Variants in CAMKMT observed in about 807,000 individuals in gnomAD.
CAMKMT encodes the protein calmodulin-lysine N-methyltransferase.
Under a neutral mutation model 48.0 loss-of-function variants are expected in CAMKMT, and 53 were observed. The ratio of observed to expected loss-of-function variants is 1.10; its 90% CI spans 0.89 to 1.39. The LOEUF (loss-of-function observed/expected upper bound fraction) is 1.39, where lower values mean the gene tolerates loss of function less well. Among genes scored for constraint, CAMKMT ranks in the 40% most tolerant of loss-of-function variants. The pLI, the probability that CAMKMT is intolerant of heterozygous loss-of-function variation, is 0.00. For missense variants in CAMKMT, 428 were observed against 402.7 expected, an observed-to-expected ratio of 1.06 and a Z score of -0.54; for synonymous variants, 165 against 152.3, an observed-to-expected ratio of 1.08 and a Z score of -0.61.
chr2:44,396,218 G>A (rs1350422656), intron 3 of CAMKMT, among the ~76,000 whole-genome samples: 1 of 152,044 alleles, frequency 6.6e-6, no homozygotes, highest in Non-Finnish European at 1.5e-5. Flanking sequence ...GTCCTTCTAA[G>A]TGCGAGTCAA....
At chr2:44,549,314 CT>C (rs1019247546) in intron 3 of CAMKMT, among the ~76,000 whole-genome samples, 6 of 152,120 alleles carry the variant, frequency 3.9e-5, no homozygotes, top group Admixed American at 1.3e-4. Flanking sequence ...TTCCCAACCC[CT>C]ATGGGAATTC....
intron 3 of CAMKMT, among the ~76,000 whole-genome samples, chr2:44,674,683 C>G (rs1675569111): frequency 6.6e-6 from 1 of 152,148 alleles, no homozygotes; most frequent in Non-Finnish European, 1.5e-5. Context: ...CTGCAGGCCA[C>G]ATACAAAGTT....
At chr2:44,647,074 A>G (rs1464092613) in intron 3 of CAMKMT, among the ~76,000 whole-genome samples, 1 of 151,920 alleles carries the variant, frequency 6.6e-6, no homozygotes, top group East Asian at 1.9e-4. Flanking sequence ...CGAGGCGGGC[A>G]GAACACGAGG....
intron 7 of CAMKMT, among the ~76,000 whole-genome samples, chr2:44,722,286 A>C (rs1455981733): frequency 6.7e-6 from 1 of 148,176 alleles, no homozygotes; most frequent in Non-Finnish European, 1.5e-5. Context: ...TGGTAACTAT[A>C]TTTAACCTCT....
chr2:44,452,546 T>C (rs1266150598), intron 3 of CAMKMT, among the ~76,000 whole-genome samples: 1 of 152,042 alleles, frequency 6.6e-6, no homozygotes, highest in Non-Finnish European at 1.5e-5. Context: ...AATATTACTA[T>C]TGTTTCTTCC....
intron 3 of CAMKMT, among the ~76,000 whole-genome samples, chr2:44,432,414 A>C (rs1246220382): frequency 6.6e-6 from 1 of 152,196 alleles, no homozygotes; most frequent in African/African-American, 2.4e-5. Flanking sequence ...TACTTCCTTC[A>C]TAAACATTTG....
At chr2:44,588,730 C>T (rs1173906167) in intron 3 of CAMKMT, among the ~76,000 whole-genome samples, 1 of 41,014 alleles carries the variant, frequency 2.4e-5, no homozygotes, top group Non-Finnish European at 5.0e-5. Flanking sequence ...CCAGCCGCCC[C>T]GTCCGGGAGG....
At position 44,566,646 on chromosome 2, in the gene CAMKMT, A is replaced by C. The variant is rs1434376221; in HGVS notation, c.377-137637A>C. Among the ~76,000 whole-genome samples the C allele has an allele frequency of 1.2e-4, 19 of 152,152 alleles. 1 individual carries two copies. The highest frequency in any genetic ancestry group is 1.2e-3 in the Admixed American group (19 of 15,268). Reference sequence around the variant, plus strand: ...AAAATGATGTTGACATCATTTAAAAAAAAAATTAGCCATAGGAAGGAGGTT... The same window carrying C: ...AAAATGATGTTGACATCATTTAAAACAAAAATTAGCCATAGGAAGGAGGTT... On this transcript the variant is annotated intron_variant, in intron 3 of 10. Transcript: ENST00000378494.
chr2:44,706,545 A>G (rs557791455), intron 5 of CAMKMT, among the ~76,000 whole-genome samples: 1 of 151,562 alleles, frequency 6.6e-6, no homozygotes, highest in African/African-American at 2.4e-5. Context: ...ATTTTACCTC[A>G]GTGTAGTCAA....
chr2:44,497,736 A>AGAGAGAGAGAGAGAGAGG (rs1669821189), intron 3 of CAMKMT, among the ~76,000 whole-genome samples: 1 of 151,742 alleles, frequency 6.6e-6, no homozygotes, highest in South Asian at 2.1e-4. Flanking sequence ...AGAGAGAGAG[A>AGAGAGAGAGAGAGAGAGG]GAGAGAGGGA....
intron 3 of CAMKMT, chr2:44,631,467 C>T (rs981080976): frequency 1.5e-5 from 9 of 587,698 alleles, no homozygotes; most frequent in Non-Finnish European, 2.4e-5. Context: ...GAAAAAAAAA[C>T]AATTTTTTAT....
At chr2:44,553,475 C>T (rs553767530) in intron 3 of CAMKMT, among the ~76,000 whole-genome samples, 3 of 151,408 alleles carry the variant, frequency 2.0e-5, no homozygotes, top group Admixed American at 1.3e-4. Context: ...ATTCTTGTGT[C>T]TAAGACTCCT....
intron 3 of CAMKMT, among the ~76,000 whole-genome samples, chr2:44,681,260 C>A (rs1376694806): frequency 1.3e-5 from 2 of 152,084 alleles, no homozygotes; most frequent in African/African-American, 4.8e-5. Flanking sequence ...AAGACTTGGA[C>A]GCTTTGTTTG....
At chr2:44,562,166 G>A (rs2103697321) in intron 3 of CAMKMT, among the ~76,000 whole-genome samples, 1 of 152,272 alleles carries the variant, frequency 6.6e-6, no homozygotes, top group South Asian at 2.1e-4. Flanking sequence ...AAGTCCTCTA[G>A]TGGTGAGCCA....
intron 3 of CAMKMT, among the ~76,000 whole-genome samples, chr2:44,450,073 A>G (rs1365602095): frequency 6.6e-6 from 1 of 152,144 alleles, no homozygotes; most frequent in African/African-American, 2.4e-5. Flanking sequence ...CATCACACAC[A>G]CTTCATCAAC....
At chr2:44,737,872 T>TC (rs1356249785) in intron 7 of CAMKMT, among the ~76,000 whole-genome samples, 2 of 126,060 alleles carry the variant, frequency 1.6e-5, no homozygotes, top group Non-Finnish European at 3.4e-5. Flanking sequence ...TTTTTTTTTT[T>TC]CTTGAGATGG....
chr2:44,493,911 A>G (rs1669633830), intron 3 of CAMKMT, among the ~76,000 whole-genome samples: 3 of 152,360 alleles, frequency 2.0e-5, no homozygotes, highest in South Asian at 2.1e-4. Flanking sequence ...TCTTCAAGTG[A>G]CATTACTTTT....
At position 44,606,101 on chromosome 2, in the gene CAMKMT, T is replaced by A. The variant is rs1671265026; in HGVS notation, c.377-98182T>A. Among the ~76,000 whole-genome samples the A allele has an allele frequency of 9.9e-5, 15 of 152,204 alleles. 1 individual carries two copies. In the South Asian group the frequency reaches 3.1e-3, roughly 32 times the overall value. On this transcript the variant is annotated intron_variant, in intron 3 of 10. Transcript: ENST00000378494. ...GTTAAATGTTTTTGTGTTTTGTGAGTGTTTGTGGCTATGTTTTCAAGCATG... is the reference window on the plus strand; with the variant it reads ...GTTAAATGTTTTTGTGTTTTGTGAGAGTTTGTGGCTATGTTTTCAAGCATG...
chr2:44,439,857 A>G (rs185754305), intron 3 of CAMKMT, among the ~76,000 whole-genome samples: 1 of 152,190 alleles, frequency 6.6e-6, no homozygotes, highest in African/African-American at 2.4e-5. Flanking sequence ...GAGGACTTAC[A>G]TCCATCTGAA....
Sources: allele counts gnomAD v4.1 joint callset (sites outside exome capture counted in the v4.1 genomes callset), GRCh38; gene constraint gnomAD v4.1.1; transcripts MANE v1.5; gene names NCBI Gene and HGNC (gene_info 2026-07-23, HGNC 2026-07-21).